GABRG3: variants seen among roughly 807,000 people sequenced by gnomAD.
GABRG3 encodes gamma-aminobutyric acid receptor subunit gamma-3.
A neutral mutation model predicts 48.8 loss-of-function variants in GABRG3; 25 were observed. That is an observed-to-expected ratio of 0.51 (90% confidence interval 0.37 to 0.72). The LOEUF (loss-of-function observed/expected upper bound fraction) is 0.72, where lower values mean the gene tolerates loss of function less well. Among genes scored for constraint, GABRG3 ranks in the 30% least tolerant of loss-of-function variants. GABRG3 has a pLI of 0.00. For missense variants in GABRG3, 394 were observed against 577.9 expected (o/e 0.68, Z 3.26); for synonymous variants, 227 against 217.6 (o/e 1.04, Z -0.38).
intron 3 of GABRG3, among the ~76,000 whole-genome samples, chr15:27,293,248 G>A (rs1266935292): frequency 2.0e-5 from 3 of 152,122 alleles, no homozygotes; most frequent in African/African-American, 4.8e-5. Flanking sequence ...AATAGAATTA[G>A]ATTTAGAATT....
chr15:27,004,501 C>A (rs1003155349), intron 2 of GABRG3, among the ~76,000 whole-genome samples: 3 of 148,484 alleles, frequency 2.0e-5, no homozygotes, highest in Non-Finnish European at 4.5e-5. Flanking sequence ...ACATCCCAGA[C>A]GATGGGCGGT....
chr15:27,138,423 T>C (rs149297804), intron 3 of GABRG3, among the ~76,000 whole-genome samples: 1 of 152,250 alleles, frequency 6.6e-6, no homozygotes. Context: ...AACTCTGTTT[T>C]TCCTTGGACT....
chr15:27,055,015 T>TGTTTGTTTG (rs1566922025), intron 3 of GABRG3, among the ~76,000 whole-genome samples: 3 of 148,990 alleles, frequency 2.0e-5, no homozygotes, highest in East Asian at 2.3e-4. Flanking sequence ...TGTTTTTTTT[T>TGTTTGTTTG]TTTTTTTTTT....
At chr15:27,409,938 T>C (rs777449285) in intron 5 of GABRG3, among the ~76,000 whole-genome samples, 10 of 152,310 alleles carry the variant, frequency 6.6e-5, no homozygotes, top group Middle Eastern at 3.4e-3. Flanking sequence ...TTATGCCTGA[T>C]TATACTGGCT....
chr15:27,306,565 CAT>C (rs200762486), intron 3 of GABRG3, among the ~76,000 whole-genome samples: 989 of 43,528 alleles, frequency 0.023, 43 homozygotes, highest in Middle Eastern at 0.033. Context: ...ATAATATAAA[CAT>C]ATATGTTTAT....
intron 6 of GABRG3, among the ~76,000 whole-genome samples, chr15:27,515,388 C>T (rs8023625): frequency 7.9e-5 from 12 of 151,904 alleles, no homozygotes; most frequent in South Asian, 4.2e-4. Flanking sequence ...CCACCGCGAC[C>T]GGCTGGAACT....
intron 6 of GABRG3, among the ~76,000 whole-genome samples, chr15:27,488,328 A>G (rs917963737): frequency 1.3e-5 from 2 of 152,162 alleles, no homozygotes; most frequent in South Asian, 2.1e-4. Context: ...AGCACATAGC[A>G]TTGTACTGTG....
chr15:27,248,262 C>T (rs990858278), intron 3 of GABRG3, among the ~76,000 whole-genome samples: 4 of 152,286 alleles, frequency 2.6e-5, no homozygotes, highest in South Asian at 2.1e-4. Context: ...AAGGACCTCG[C>T]GCCCTCCTAG....
intron 3 of GABRG3, among the ~76,000 whole-genome samples, chr15:27,161,724 G>A (rs772796211): frequency 1.3e-5 from 2 of 151,672 alleles, no homozygotes; most frequent in Non-Finnish European, 2.9e-5. Context: ...TGTGGTATGA[G>A]GTAGGAGTTC....
intron 3 of GABRG3, among the ~76,000 whole-genome samples, chr15:27,033,527 C>T (rs1678010123): frequency 6.6e-6 from 1 of 152,016 alleles, no homozygotes; most frequent in African/African-American, 2.4e-5. Flanking sequence ...CCTGAACTGC[C>T]TTCAGGTTAG....
chr15:27,492,267 G>A (rs1456738678), intron 6 of GABRG3, among the ~76,000 whole-genome samples: 1 of 152,222 alleles, frequency 6.6e-6, no homozygotes. Context: ...AGTAGAAAGA[G>A]AGGGCACATT....
intron 3 of GABRG3, among the ~76,000 whole-genome samples, chr15:27,308,636 GT>G (rs928000840): frequency 6.8e-6 from 1 of 146,450 alleles, no homozygotes; most frequent in African/African-American, 2.5e-5. Context: ...AACATATAAT[GT>G]AAACATACGC....
intron 5 of GABRG3, among the ~76,000 whole-genome samples, chr15:27,387,713 A>C (rs927069653): frequency 2.7e-5 from 4 of 147,494 alleles, no homozygotes; most frequent in African/African-American, 1.0e-4. Context: ...TCTGTCCCCC[A>C]GTCTCCACAG....
At chr15:27,215,829 G>A (rs1208929008) in intron 3 of GABRG3, among the ~76,000 whole-genome samples, 2 of 152,154 alleles carry the variant, frequency 1.3e-5, no homozygotes, top group African/African-American at 2.4e-5. Flanking sequence ...GGATGGATTC[G>A]ACTAAGCCAT....
chr15:27,478,466 C>A (rs1019497198), intron 5 of GABRG3, among the ~76,000 whole-genome samples: 1 of 152,184 alleles, frequency 6.6e-6, no homozygotes, highest in Non-Finnish European at 1.5e-5. Flanking sequence ...CCACGTCACA[C>A]CTGCTACCAT....
At chr15:27,298,240 C>A (rs1004657185) in intron 3 of GABRG3, among the ~76,000 whole-genome samples, 1 of 152,120 alleles carries the variant, frequency 6.6e-6, no homozygotes, top group Admixed American at 6.6e-5. Flanking sequence ...ATTCAGGAAT[C>A]TAGGCTGAAA....
intron 6 of GABRG3, among the ~76,000 whole-genome samples, chr15:27,487,923 A>C (rs942718069): frequency 6.6e-6 from 1 of 152,188 alleles, no homozygotes. Context: ...TTAGGCCACT[A>C]TCCCATGACG....
At chr15:27,181,110 T>C (rs921788144) in intron 3 of GABRG3, among the ~76,000 whole-genome samples, 1 of 152,184 alleles carries the variant, frequency 6.6e-6, no homozygotes, top group Non-Finnish European at 1.5e-5. Flanking sequence ...CATGCAGGGC[T>C]GGAGGCATTG....
At chr15:27,422,009 T>C (rs1414284747) in intron 5 of GABRG3, among the ~76,000 whole-genome samples, 2 of 147,860 alleles carry the variant, frequency 1.4e-5, no homozygotes, top group Admixed American at 1.3e-4. Flanking sequence ...AAGATATCCA[T>C]GGGAATGGGC....
Sources: allele counts gnomAD v4.1 joint callset (sites outside exome capture counted in the v4.1 genomes callset), GRCh38; gene constraint gnomAD v4.1.1; transcripts MANE v1.5; gene names NCBI Gene and HGNC (gene_info 2026-07-23, HGNC 2026-07-21).